The following NCAM2 variants were observed in gnomAD, a reference collection of about 807,000 sequenced individuals.
The protein encoded by NCAM2 is N-CAM-2.
In NCAM2, 30 loss-of-function variants were observed where a neutral mutation model predicts 98.1. The ratio of observed to expected loss-of-function variants is 0.31; its 90% confidence interval spans 0.23 to 0.41. The LOEUF is 0.41. Among genes scored for constraint, NCAM2 ranks in the 10% least tolerant of loss-of-function variants. The probability of loss-of-function intolerance (pLI) is 1.00; values close to 1 mark genes in which losing one functional copy is unlikely to be tolerated. For missense variants in NCAM2, 867 were observed against 1,005.8 expected (o/e 0.86, Z 1.87); for synonymous variants, 368 against 342.4 (o/e 1.07, Z -0.83).
chr21:21,151,758 T>C (rs567125781), intron 1 of NCAM2, among the ~76,000 whole-genome samples: 3 of 152,160 alleles, frequency 2.0e-5, no homozygotes, highest in African/African-American at 7.2e-5. Context: ...TTGCATGATG[T>C]GTTTTTACAT....
chr21:21,344,145 A>T (rs538840954), intron 8 of NCAM2, among the ~76,000 whole-genome samples: 236 of 152,318 alleles, frequency 1.5e-3, no homozygotes, highest in Admixed American at 3.2e-3. Context: ...TCTGGGCCAG[A>T]TGAGAACACA....
chr21:21,038,961 A>G lies in NCAM2; in HGVS notation c.55+40343A>G, dbSNP rs112405127. Among the ~76,000 whole-genome samples, 959 of 152,284 alleles carry G rather than the reference A, an allele frequency of 6.3e-3. 12 individuals are homozygous for G. The highest frequency in any genetic ancestry group is 0.021 in the African/African-American group (886 of 41,548). ...TGTAACCGTTTGAATCACCTTTCCA[A>G]CAATATCACTAAAGGGTATATTTCT... On this transcript the variant is annotated intron_variant, in intron 1 of 17. Transcript: ENST00000400546.
chr21:21,108,035 T>C (rs1290055647), intron 1 of NCAM2, among the ~76,000 whole-genome samples: 2 of 152,108 alleles, frequency 1.3e-5, no homozygotes, highest in Non-Finnish European at 2.9e-5. Flanking sequence ...AGCAGGTATA[T>C]ATTTCCTCTA....
At chr21:21,255,691 G>C (rs888958269) in intron 1 of NCAM2, among the ~76,000 whole-genome samples, 6 of 152,088 alleles carry the variant, frequency 3.9e-5, no homozygotes, top group Admixed American at 6.6e-5. Flanking sequence ...TCCATCTTTT[G>C]TCTTGACAAA....
intron 1 of NCAM2, among the ~76,000 whole-genome samples, chr21:21,256,621 T>C (rs1212095902): frequency 6.6e-6 from 1 of 152,170 alleles, no homozygotes; most frequent in Non-Finnish European, 1.5e-5. Flanking sequence ...TCTACAATCA[T>C]ATGCCTTTTT....
At chr21:21,471,781 A>G (rs569871191) in intron 14 of NCAM2, among the ~76,000 whole-genome samples, 282 of 152,172 alleles carry the variant, frequency 1.9e-3, no homozygotes, top group Non-Finnish European at 3.1e-3. Context: ...CTCCCTATAG[A>G]TTATGAACCA....
intron 1 of NCAM2, among the ~76,000 whole-genome samples, chr21:21,171,232 T>C (rs1292501748): frequency 1.3e-5 from 2 of 152,156 alleles, no homozygotes; most frequent in Non-Finnish European, 2.9e-5. Flanking sequence ...CTTAAGGAAC[T>C]ATTCCAAACT....
At chr21:21,531,272 T>A (rs940284273) in intron 16 of NCAM2, among the ~76,000 whole-genome samples, 2 of 152,154 alleles carry the variant, frequency 1.3e-5, no homozygotes, top group Non-Finnish European at 2.9e-5. Flanking sequence ...ATTTCATAAA[T>A]TTTTTTCAGT....
intron 12 of NCAM2, among the ~76,000 whole-genome samples, chr21:21,451,041 C>T (rs1980985685): frequency 1.3e-5 from 2 of 152,004 alleles, no homozygotes; most frequent in African/African-American, 4.8e-5. Flanking sequence ...ATAGTTTTCT[C>T]TTCCTTTGGT....
chr21:21,442,143 G>A lies in NCAM2; in HGVS notation c.1654+9862G>A, dbSNP rs145321938. Among the ~76,000 whole-genome samples the A allele has an allele frequency of 8.5e-5, 13 of 152,224 alleles. 1 individual carries two copies. The highest frequency in any genetic ancestry group is 1.8e-4 in the Non-Finnish European group (12 of 68,024). On this transcript the variant is annotated intron_variant, in intron 12 of 17. Transcript: ENST00000400546. ...GCAGTCCTTTGGGGTGTTTTGTGTA[G>A]AGTATAATGACCTGAAATATCTAGG...
At chr21:21,422,624 A>G (rs1317187367) in intron 11 of NCAM2, among the ~76,000 whole-genome samples, 1 of 152,136 alleles carries the variant, frequency 6.6e-6, no homozygotes, top group Non-Finnish European at 1.5e-5. Flanking sequence ...GGAAAAAGTA[A>G]TCTTTCTATG....
intron 1 of NCAM2, among the ~76,000 whole-genome samples, chr21:21,034,029 G>T (rs762401975): frequency 1.3e-5 from 2 of 148,676 alleles, no homozygotes; most frequent in South Asian, 2.2e-4. Context: ...TAGGCTAGAG[G>T]TTGTGAGATA....
At chr21:21,011,463 G>A (rs998028684) in intron 1 of NCAM2, among the ~76,000 whole-genome samples, 4 of 151,908 alleles carry the variant, frequency 2.6e-5, no homozygotes, top group African/African-American at 9.7e-5. Flanking sequence ...CTCCCACCCA[G>A]CTGTATAATA....
intron 9 of NCAM2, among the ~76,000 whole-genome samples, chr21:21,407,333 A>G (rs2076761777): frequency 6.6e-6 from 1 of 152,182 alleles, no homozygotes; most frequent in Non-Finnish European, 1.5e-5. Flanking sequence ...TGATACCACA[A>G]ATACATTTTT....
At chr21:21,448,239 T>A (rs1240505585) in intron 12 of NCAM2, among the ~76,000 whole-genome samples, 2 of 152,100 alleles carry the variant, frequency 1.3e-5, no homozygotes, top group African/African-American at 4.8e-5. Flanking sequence ...AACATGTCCT[T>A]TGCAGGGACA....
intron 1 of NCAM2, among the ~76,000 whole-genome samples, chr21:21,212,589 C>G (rs1345615694): frequency 6.6e-6 from 1 of 152,088 alleles, no homozygotes; most frequent in Non-Finnish European, 1.5e-5. Flanking sequence ...CTGGGGAAAG[C>G]TGACTAAGAT....
chr21:21,192,116 G>A (rs1199871902), intron 1 of NCAM2, among the ~76,000 whole-genome samples: 1 of 152,098 alleles, frequency 6.6e-6, no homozygotes, highest in Admixed American at 6.6e-5. Flanking sequence ...CCAGCTACCC[G>A]GTAGGCTGAA....
intron 1 of NCAM2, among the ~76,000 whole-genome samples, chr21:21,224,124 T>A (rs956155469): frequency 2.0e-5 from 3 of 152,090 alleles, no homozygotes; most frequent in Admixed American, 2.0e-4. Context: ...AATTTGAGAG[T>A]CAGCACAGAA....
intron 15 of NCAM2, among the ~76,000 whole-genome samples, chr21:21,492,219 C>A (rs1416312096): frequency 2.0e-5 from 3 of 151,808 alleles, no homozygotes; most frequent in Non-Finnish European, 4.4e-5. Flanking sequence ...AGTTTTCCTC[C>A]TATCTTTGTT....
Sources: allele counts gnomAD v4.1 joint callset (sites outside exome capture counted in the v4.1 genomes callset), GRCh38; gene constraint gnomAD v4.1.1; transcripts MANE v1.5; gene names NCBI Gene and HGNC (gene_info 2026-07-23, HGNC 2026-07-21).